EPHA5: variants seen among roughly 807,000 people sequenced by gnomAD.
EPHA5 encodes EPH receptor A5.
EPHA5 carries 60 observed loss-of-function variants against 105.0 expected under a neutral mutation model. The ratio of observed to expected loss-of-function variants is 0.57; its 90% CI spans 0.46 to 0.71. The LOEUF is 0.71. Ranked by LOEUF, EPHA5 falls within the 30% of genes least tolerant of loss-of-function variation. EPHA5 has a pLI of 0.00. For missense variants in EPHA5, 1,218 were observed against 1,274.7 expected, an observed-to-expected ratio of 0.96 and a Z score of 0.68; for synonymous variants, 513 against 449.1, an observed-to-expected ratio of 1.14 and a Z score of -1.80.
intron 8 of EPHA5, among the ~76,000 whole-genome samples, chr4:65,381,922 A>G (rs973309252): frequency 2.0e-5 from 3 of 151,858 alleles, no homozygotes; most frequent in Admixed American, 1.3e-4. Context: ...CACCTTCAAC[A>G]TTAAAATATC....
chr4:65,417,685 T>C (rs1723522258), intron 6 of EPHA5, among the ~76,000 whole-genome samples: 1 of 151,976 alleles, frequency 6.6e-6, no homozygotes, highest in South Asian at 2.1e-4. Context: ...ATTTGAACTA[T>C]TAAATATAAG....
intron 8 of EPHA5, among the ~76,000 whole-genome samples, chr4:65,374,570 G>A (rs539487798): frequency 3.1e-4 from 47 of 151,910 alleles, no homozygotes; most frequent in Middle Eastern, 3.4e-3. Flanking sequence ...CTAGATGAAC[G>A]GTTTTGAAAC....
chr4:65,640,288 T>TTC (rs1553959384), intron 2 of EPHA5, among the ~76,000 whole-genome samples: 20 of 138,088 alleles, frequency 1.4e-4, no homozygotes, highest in African/African-American at 5.3e-4. Flanking sequence ...TTTTCTTTTT[T>TTC]TTTTTTTTTT....
rs957499167 is a variant in EPHA5, at chr4:65,520,459, G to A, written c.911-24916C>T. 5.9e-5 allele frequency among the ~76,000 whole-genome samples: 9 copies of A among 152,182 alleles called. No individual in the cohort carries two copies. In the South Asian group the frequency reaches 1.4e-3, roughly 25 times the overall value. On this transcript the variant is annotated intron_variant, in intron 3 of 16. Coordinates refer to ENST00000613740, the MANE Select transcript of EPHA5 (RefSeq NM_001281766.3). ...ACCTAAGCAATACCATTCAGGTCAT[G>A]GTCATGGGCAAGGACTTCATGTCTA...
intron 3 of EPHA5, among the ~76,000 whole-genome samples, chr4:65,547,799 G>A (rs1242236712): frequency 6.6e-6 from 1 of 151,886 alleles, no homozygotes; most frequent in Non-Finnish European, 1.5e-5. Context: ...GGGGCTGGAG[G>A]GTCACAGTTA....
At chr4:65,498,745 G>A (rs1479064977) in intron 3 of EPHA5, among the ~76,000 whole-genome samples, 1 of 151,732 alleles carries the variant, frequency 6.6e-6, no homozygotes, top group African/African-American at 2.4e-5. Flanking sequence ...ATGTGTTGGA[G>A]AAGATAATGA....
intron 4 of EPHA5, among the ~76,000 whole-genome samples, chr4:65,493,830 G>GA (rs139269796): frequency 2.1e-3 from 306 of 148,102 alleles, no homozygotes; most frequent in Middle Eastern, 0.01. Flanking sequence ...CATTTATGCT[G>GA]AAAAAAAAAG....
intron 3 of EPHA5, among the ~76,000 whole-genome samples, chr4:65,525,245 T>C (rs922860636): frequency 6.6e-6 from 1 of 151,758 alleles, no homozygotes; most frequent in Non-Finnish European, 1.5e-5. Context: ...TACTATAATT[T>C]ATTTTTAAAG....
chr4:65,496,474 G>C (rs1300557444), intron 3 of EPHA5, among the ~76,000 whole-genome samples: 1 of 149,448 alleles, frequency 6.7e-6, no homozygotes, highest in Admixed American at 6.8e-5. Context: ...GTGAGAACAT[G>C]TGGTGTTTGG....
At chr4:65,508,875 T>G (rs1733326382) in intron 3 of EPHA5, among the ~76,000 whole-genome samples, 1 of 152,156 alleles carries the variant, frequency 6.6e-6, no homozygotes, top group South Asian at 2.1e-4. Context: ...AGCATATCTG[T>G]ATCTATGAAT....
At chr4:65,443,021 A>G (rs1285801440) in intron 5 of EPHA5, among the ~76,000 whole-genome samples, 1 of 152,118 alleles carries the variant, frequency 6.6e-6, no homozygotes, top group African/African-American at 2.4e-5. Flanking sequence ...AACAAACTAT[A>G]TATTCTCCAA....
chr4:65,326,516 T>G (rs1720095583), intron 16 of EPHA5, among the ~76,000 whole-genome samples: 1 of 151,444 alleles, frequency 6.6e-6, no homozygotes, highest in Non-Finnish European at 1.5e-5. Flanking sequence ...CATAGTAGTT[T>G]CTGTTATGCA....
chr4:65,473,176 A>G (rs542204970), intron 5 of EPHA5, among the ~76,000 whole-genome samples: 174 of 152,232 alleles, frequency 1.1e-3, no homozygotes, highest in African/African-American at 3.8e-3. Context: ...TATCACTATC[A>G]GCATTTTGGT....
At chr4:65,384,510 T>G (rs566489404) in intron 8 of EPHA5, among the ~76,000 whole-genome samples, 1 of 151,980 alleles carries the variant, frequency 6.6e-6, no homozygotes, top group South Asian at 2.1e-4. Context: ...TGCTCTGATT[T>G]TAGGTAGCCC....
intron 8 of EPHA5, among the ~76,000 whole-genome samples, chr4:65,384,903 G>A (rs1341881436): frequency 1.3e-5 from 2 of 151,086 alleles, no homozygotes; most frequent in Non-Finnish European, 2.9e-5. Flanking sequence ...CCATTTCTAG[G>A]AGCCTAAATT....
At chr4:65,454,530 A>G (rs1727384816) in intron 5 of EPHA5, among the ~76,000 whole-genome samples, 1 of 152,194 alleles carries the variant, frequency 6.6e-6, no homozygotes, top group Non-Finnish European at 1.5e-5. Context: ...AGATTTCCAT[A>G]GATTCAACAG....
chr4:65,323,975 A>G lies in EPHA5; in HGVS notation c.*139T>C. 1 of 581,192 alleles carries G rather than the reference A, an allele frequency of 1.7e-6. No homozygotes were observed. Among genetic ancestry groups the G allele is most frequent in the East Asian group, 3.0e-5 (1 of 33,214 alleles). The allele number at this position is 581,192 out of a possible 1,614,324, so 36.0% of individuals were successfully genotyped here. Reference sequence around the variant, plus strand: ...TACTTCAGTAAAACCATGATTACAAATTCTGTGGCTGAGGCAAATGTTTTC... The same window carrying G: ...TACTTCAGTAAAACCATGATTACAAGTTCTGTGGCTGAGGCAAATGTTTTC... On this transcript the variant is annotated 3_prime_UTR_variant, in exon 17 of 17. Transcript: ENST00000613740.
At chr4:65,574,631 T>TATATATACATATATATATATACAC (rs1740629595) in intron 3 of EPHA5, among the ~76,000 whole-genome samples, 1 of 81,672 alleles carries the variant, frequency 1.2e-5, no homozygotes, top group Non-Finnish European at 2.8e-5. Flanking sequence ...TATATACACA[T>TATATATACATATATATATATACAC]ATATATATAC....
At chr4:65,501,456 A>T (rs1425511056) in intron 3 of EPHA5, among the ~76,000 whole-genome samples, 1 of 151,678 alleles carries the variant, frequency 6.6e-6, no homozygotes, top group Non-Finnish European at 1.5e-5. Context: ...ATTTCGATAT[A>T]TCCATAACAT....
Sources: allele counts gnomAD v4.1 joint callset (sites outside exome capture counted in the v4.1 genomes callset), GRCh38; gene constraint gnomAD v4.1.1; transcripts MANE v1.5; gene names NCBI Gene and HGNC (gene_info 2026-07-23, HGNC 2026-07-21).